The following PRTFDC1 variants were observed in gnomAD, a reference collection of about 807,000 sequenced individuals.
PRTFDC1 encodes phosphoribosyl transferase domain containing 1.
A neutral mutation model predicts 34.6 loss-of-function variants in PRTFDC1; 38 were observed. That is an observed-to-expected ratio of 1.10 (90% CI 0.85 to 1.44). PRTFDC1 has a LOEUF of 1.44. Among genes scored for constraint, PRTFDC1 ranks in the 40% most tolerant of loss-of-function variants. The probability of loss-of-function intolerance (pLI) is 0.00; values close to 1 mark genes in which losing one functional copy is unlikely to be tolerated. For synonymous variants in PRTFDC1, 93 were observed against 98.1 expected (o/e 0.95, Z 0.31); for missense variants, 270 against 283.0 (o/e 0.95, Z 0.33).
intron 6 of PRTFDC1, 60 bp from the exon 7 acceptor site, chr10:24,855,424 G>A (rs1267543224): frequency 2.5e-6 from 4 of 1,571,918 alleles, no homozygotes; most frequent in East Asian, 2.2e-5. Flanking sequence ...ATTGTAAATA[G>A]AATCAAGCAT....
chr10:24,951,841 C>A (rs1190113247), intron 1 of PRTFDC1, among the ~76,000 whole-genome samples: 1 of 152,116 alleles, frequency 6.6e-6, no homozygotes, highest in Non-Finnish European at 1.5e-5. Context: ...TCTGGGAAAC[C>A]AGCACCCCAC....
At chr10:24,891,470 A>G (rs150365508) in intron 3 of PRTFDC1, among the ~76,000 whole-genome samples, 1,620 of 152,220 alleles carry the variant, frequency 0.011, 27 homozygotes, top group African/African-American at 0.037. Context: ...AACAAAGACC[A>G]GATTTATCCT....
intron 3 of PRTFDC1, among the ~76,000 whole-genome samples, chr10:24,925,947 G>C (rs1848866055): frequency 6.6e-6 from 1 of 152,206 alleles, no homozygotes; most frequent in South Asian, 2.1e-4. Context: ...CTGTTCCCAA[G>C]TTCCAGTATC....
rs1848346440 is a variant in PRTFDC1 at position 24,895,694 on chromosome 10, T to TATAC, written c.340-23632_340-23631insGTAT. 5.2e-5 allele frequency among the ~76,000 whole-genome samples: 6 copies of TATAC among 115,196 alleles called. No individual in the cohort carries two copies. The South Asian group carries it at 1.8e-3, about 35-fold the overall frequency. The allele number at this position is 115,196 out of a possible 152,430, so 75.6% of individuals were successfully genotyped here. Reference sequence around the variant, plus strand: ...GAGGGCAAGAGCTGGGGTGGATATATATATATATATATATATATATATATA... The same window carrying TATAC: ...GAGGGCAAGAGCTGGGGTGGATATATATACATATATATATATATATATATATATA... On this transcript the variant is annotated intron_variant, in intron 3 of 8. Coordinates refer to ENST00000320152, the MANE Select transcript of PRTFDC1 (RefSeq NM_020200.7).
intron 4 of PRTFDC1, among the ~76,000 whole-genome samples, chr10:24,868,472 T>C (rs1045236165): frequency 6.6e-6 from 1 of 152,218 alleles, no homozygotes; most frequent in East Asian, 1.9e-4. Context: ...GTAAGTTTAC[T>C]GAATGACTGA....
intron 3 of PRTFDC1, among the ~76,000 whole-genome samples, chr10:24,890,071 T>A (rs1281596023): frequency 2.0e-5 from 3 of 152,234 alleles, no homozygotes; most frequent in Admixed American, 1.3e-4. Context: ...TAAATGTTTT[T>A]GAAATCACAG....
intron 3 of PRTFDC1, among the ~76,000 whole-genome samples, chr10:24,895,211 T>A (rs1319804574): frequency 6.6e-6 from 1 of 151,712 alleles, no homozygotes; most frequent in African/African-American, 2.4e-5. Flanking sequence ...TCTATTTTTA[T>A]ATCCGAGTAG....
intron 3 of PRTFDC1, among the ~76,000 whole-genome samples, chr10:24,899,530 G>T (rs1389964726): frequency 6.6e-6 from 1 of 152,068 alleles, no homozygotes; most frequent in African/African-American, 2.4e-5. Context: ...ACAAAACTTA[G>T]GGGGTGGGAA....
chr10:24,932,344 T>C (rs560312670), intron 3 of PRTFDC1, among the ~76,000 whole-genome samples: 5 of 151,840 alleles, frequency 3.3e-5, no homozygotes, highest in African/African-American at 7.2e-5. Context: ...TCTGTAAGTA[T>C]AAAGGAAGAA....
chr10:24,868,183 TG>T (rs1847816780), intron 4 of PRTFDC1: 1 of 152,320 alleles, frequency 6.6e-6, no homozygotes, highest in African/African-American at 2.4e-5. Flanking sequence ...CCTTGAGGCT[TG>T]GGGGTCAACT....
At chr10:24,853,722 A>G (rs1847530329) in intron 7 of PRTFDC1, among the ~76,000 whole-genome samples, 1 of 152,192 alleles carries the variant, frequency 6.6e-6, no homozygotes, top group African/African-American at 2.4e-5. Flanking sequence ...CACACTGGGA[A>G]AATGAGAGCC....
At chr10:24,886,924 T>C (rs1411404023) in intron 3 of PRTFDC1, among the ~76,000 whole-genome samples, 1 of 151,384 alleles carries the variant, frequency 6.6e-6, no homozygotes, top group East Asian at 1.9e-4. Flanking sequence ...CATCTTTGTA[T>C]TTTACATCTT....
intron 3 of PRTFDC1, among the ~76,000 whole-genome samples, chr10:24,920,305 A>G (rs1301091598): frequency 6.6e-6 from 1 of 150,876 alleles, no homozygotes; most frequent in Admixed American, 6.6e-5. Context: ...GTGTGTATAT[A>G]TATATGTGTG....
chr10:24,950,307 T>A (rs2132626153), intron 1 of PRTFDC1, among the ~76,000 whole-genome samples: 1 of 152,310 alleles, frequency 6.6e-6, no homozygotes, highest in Non-Finnish European at 1.5e-5. Context: ...AGATTTTTTT[T>A]CCTTTGGATT....
chr10:24,899,869 C>T (rs1848423178), intron 3 of PRTFDC1, among the ~76,000 whole-genome samples: 1 of 152,090 alleles, frequency 6.6e-6, no homozygotes, highest in African/African-American at 2.4e-5. Flanking sequence ...AATAATGCTG[C>T]TTTTGTGGAT....
intron 3 of PRTFDC1, among the ~76,000 whole-genome samples, chr10:24,922,861 C>T (rs1848813097): frequency 6.6e-6 from 1 of 152,184 alleles, no homozygotes; most frequent in African/African-American, 2.4e-5. Context: ...CCTGGAAGCA[C>T]AAGGAGTTGG....
intron 3 of PRTFDC1, among the ~76,000 whole-genome samples, chr10:24,913,127 G>T (rs1467942167): frequency 6.6e-6 from 1 of 152,156 alleles, no homozygotes; most frequent in East Asian, 1.9e-4. Flanking sequence ...CCATTGAAAT[G>T]GCAGCCACTT....
intron 3 of PRTFDC1, among the ~76,000 whole-genome samples, chr10:24,912,845 T>C (rs527449563): frequency 6.6e-6 from 1 of 152,138 alleles, no homozygotes; most frequent in African/African-American, 2.4e-5. Flanking sequence ...TGCAGTCACC[T>C]CTGAACTGGC....
intron 3 of PRTFDC1, among the ~76,000 whole-genome samples, chr10:24,909,531 G>A (rs902847360): frequency 2.0e-5 from 3 of 152,114 alleles, no homozygotes; most frequent in African/African-American, 4.8e-5. Context: ...CTGATGCAGA[G>A]AGTATCAGCA....
Sources: allele counts gnomAD v4.1 joint callset (sites outside exome capture counted in the v4.1 genomes callset), GRCh38; gene constraint gnomAD v4.1.1; transcripts MANE v1.5; gene names NCBI Gene and HGNC (gene_info 2026-07-23, HGNC 2026-07-21).